Variants in KIAA1549L observed in about 807,000 individuals in gnomAD.
KIAA1549L encodes KIAA1549 like, also known as UPF0606 protein KIAA1549L.
KIAA1549L carries 88 observed loss-of-function variants against 160.7 expected under a neutral mutation model. The observed-to-expected ratio is 0.55, with a 90% CI of 0.46 to 0.65. KIAA1549L has a LOEUF of 0.65. Among genes scored for constraint, KIAA1549L ranks in the 30% least tolerant of loss-of-function variants. KIAA1549L has a pLI of 0.00. For missense variants in KIAA1549L, 2,258 were observed against 2,437.5 expected (o/e 0.93, Z 1.55); for synonymous variants, 950 against 976.7 (o/e 0.97, Z 0.51).
intron 1 of KIAA1549L, among the ~76,000 whole-genome samples, chr11:33,471,729 T>C (rs1852181950): frequency 6.6e-6 from 1 of 152,226 alleles, no homozygotes; most frequent in African/African-American, 2.4e-5. Flanking sequence ...CTTTCACATG[T>C]TGACTCACAG....
chr11:33,407,779 C>A (rs1850698061), intron 1 of KIAA1549L, among the ~76,000 whole-genome samples: 1 of 152,276 alleles, frequency 6.6e-6, no homozygotes, highest in African/African-American at 2.4e-5. Flanking sequence ...CAAGGGAAAC[C>A]CTGCCTCCTT....
intron 1 of KIAA1549L, among the ~76,000 whole-genome samples, chr11:33,408,585 CAT>C (rs1161862316): frequency 2.0e-5 from 3 of 150,694 alleles, no homozygotes; most frequent in Non-Finnish European, 2.9e-5. Context: ...ACAGATGCCT[CAT>C]GTGAGCAAGT....
intron 1 of KIAA1549L, among the ~76,000 whole-genome samples, chr11:33,481,762 G>A (rs1852416032): frequency 6.6e-6 from 1 of 152,208 alleles, no homozygotes; most frequent in Non-Finnish European, 1.5e-5. Flanking sequence ...ATTTCACTGT[G>A]TGCTTGTCTC....
intron 16 of KIAA1549L, among the ~76,000 whole-genome samples, chr11:33,638,969 T>C (rs1186225259): frequency 6.6e-6 from 1 of 152,222 alleles, no homozygotes. Flanking sequence ...TTGAGTTGCT[T>C]GTCTTTTTGT....
intron 16 of KIAA1549L, among the ~76,000 whole-genome samples, chr11:33,623,290 C>T (rs889639859): frequency 6.6e-6 from 1 of 152,132 alleles, no homozygotes; most frequent in African/African-American, 2.4e-5. Flanking sequence ...AGATTTTGTC[C>T]TTTATTCTAG....
At chr11:33,558,349 C>T (rs909134173) in intron 6 of KIAA1549L, among the ~76,000 whole-genome samples, 3 of 152,102 alleles carry the variant, frequency 2.0e-5, no homozygotes, top group Non-Finnish European at 2.9e-5. Flanking sequence ...GTGCGGGGTT[C>T]GAGGTTCAGC....
intron 1 of KIAA1549L, among the ~76,000 whole-genome samples, chr11:33,539,892 A>G (rs1853976590): frequency 6.6e-6 from 1 of 152,242 alleles, no homozygotes; most frequent in African/African-American, 2.4e-5. Context: ...TCACATGTGA[A>G]TGTCAAGCAC....
At chr11:33,537,710 TGTG>T in intron 1 of KIAA1549L, among the ~76,000 whole-genome samples, 1 of 152,186 alleles carries the variant, frequency 6.6e-6, no homozygotes. Context: ...TTAGGGAGAT[TGTG>T]GTTTCTTGAA....
intron 18 of KIAA1549L, 55 bp downstream of exon 18, chr11:33,656,164 A>G (rs1852058436): frequency 1.5e-6 from 2 of 1,357,044 alleles, no homozygotes; most frequent in Admixed American, 1.9e-5. Flanking sequence ...GGTCAGTCCT[A>G]TGTACCCTGA....
chr11:33,486,018 A>G (rs1051891994), intron 1 of KIAA1549L, among the ~76,000 whole-genome samples: 1 of 152,006 alleles, frequency 6.6e-6, no homozygotes, highest in East Asian at 1.9e-4. Flanking sequence ...TTATCCATTC[A>G]TCTGTTAGTG....
Position 33,544,204 on chromosome 11 carries a change from A to G in KIAA1549L, c.2641A>G (p.Arg881Gly), listed in dbSNP as rs1437561931. The change falls in exon 2 of 21, where the codon AGA (arginine) becomes GGA (glycine). Residue 881 changes from arginine (R) to glycine (G), a missense_variant. Arg to Gly is a moderately radical substitution (Grantham distance 125). Coordinates refer to ENST00000658780, the MANE Select transcript of KIAA1549L (RefSeq NM_012194.3). ...ISSDINSSPE[R>G]NASTPFQNIL... ...CAGTGACATCAATTCATCACCTGAGAGAAATGCTTCCACACCATTCCAGAA... is the reference window on the plus strand; with the variant it reads ...CAGTGACATCAATTCATCACCTGAGGGAAATGCTTCCACACCATTCCAGAA... 6.2e-7 allele frequency: 1 copy of G among 1,613,910 alleles called. No homozygotes were observed. Among genetic ancestry groups the G allele is most frequent in the African/African-American group, 1.3e-5 (1 of 74,928 alleles).
chr11:33,539,814 C>T lies in KIAA1549L; in HGVS notation c.239-1988C>T, dbSNP rs567143975. On this transcript the variant is annotated intron_variant, in intron 1 of 20. Transcript: ENST00000658780. The stretch of plus-strand genomic sequence containing the variant: ...CCATCAACCACAGAAGTATCCAAGA[C>T]GTTCAGTCCTCCCATGGGCTTAGAA... Among the ~76,000 whole-genome samples the T allele has an allele frequency of 7.2e-5, 11 of 152,284 alleles. No homozygotes were observed. The South Asian group carries it at 8.3e-4, about 12-fold the overall frequency.
intron 13 of KIAA1549L, among the ~76,000 whole-genome samples, chr11:33,604,205 G>A (rs1850439234): frequency 6.6e-6 from 1 of 152,122 alleles, no homozygotes; most frequent in Non-Finnish European, 1.5e-5. Flanking sequence ...AGGAATTTAG[G>A]ACTGGTTTAG....
intron 1 of KIAA1549L, among the ~76,000 whole-genome samples, chr11:33,455,801 T>C (rs1414607312): frequency 6.6e-6 from 1 of 152,246 alleles, no homozygotes; most frequent in Non-Finnish European, 1.5e-5. Flanking sequence ...TACTTATCTG[T>C]ATTTTTTTTA....
chr11:33,642,278 A>G (rs1851607194), intron 16 of KIAA1549L, among the ~76,000 whole-genome samples: 1 of 152,212 alleles, frequency 6.6e-6, no homozygotes, highest in African/African-American at 2.4e-5. Context: ...GTGTTAGGGA[A>G]AGTGGGCCTT....
At chr11:33,402,992 C>G (rs140958916) in intron 1 of KIAA1549L, among the ~76,000 whole-genome samples, 2 of 152,092 alleles carry the variant, frequency 1.3e-5, no homozygotes, top group Non-Finnish European at 2.9e-5. Context: ...CATACTCCCC[C>G]CTGGTTAAAG....
intron 1 of KIAA1549L, among the ~76,000 whole-genome samples, chr11:33,515,183 C>T (rs888224455): frequency 3.3e-4 from 50 of 152,178 alleles, no homozygotes; most frequent in African/African-American, 1.2e-3. Context: ...AAGTGCCTCC[C>T]CCACCCACCA....
At chr11:33,411,861 G>A (rs1036346120) in intron 1 of KIAA1549L, among the ~76,000 whole-genome samples, 2 of 152,196 alleles carry the variant, frequency 1.3e-5, no homozygotes, top group Non-Finnish European at 2.9e-5. Context: ...ACTCAGGTTC[G>A]ATGGATGTAA....
intron 1 of KIAA1549L, among the ~76,000 whole-genome samples, chr11:33,539,809 C>T (rs138288745): frequency 6.3e-4 from 96 of 152,280 alleles, no homozygotes; most frequent in African/African-American, 2.2e-3. Context: ...CAGAAGTATC[C>T]AAGACGTTCA....
Sources: allele counts gnomAD v4.1 joint callset (sites outside exome capture counted in the v4.1 genomes callset), GRCh38; gene constraint gnomAD v4.1.1; transcripts MANE v1.5; gene names NCBI Gene and HGNC (gene_info 2026-07-23, HGNC 2026-07-21).